Variants in ASPSCR1 observed in about 807,000 individuals in gnomAD.
ASPSCR1 encodes tether containing UBX domain for GLUT4.
A neutral mutation model predicts 68.9 loss-of-function variants in ASPSCR1; 55 were observed. The ratio of observed to expected loss-of-function variants is 0.80; its 90% CI spans 0.64 to 1.00. The LOEUF is 1.00. Ranked by LOEUF, ASPSCR1 falls within the 50% of genes least tolerant of loss-of-function variation. The pLI, the probability that ASPSCR1 is intolerant of heterozygous loss-of-function variation, is 0.00. For missense variants in ASPSCR1, 765 were observed against 762.2 expected (o/e 1.00, Z -0.04); for synonymous variants, 352 against 332.6 (o/e 1.06, Z -0.63).
At chr17:81,992,056 G>C (rs2042186797) in intron 4 of ASPSCR1, among the ~76,000 whole-genome samples, 1 of 152,254 alleles carries the variant, frequency 6.6e-6, no homozygotes, top group Non-Finnish European at 1.5e-5. Context: ...AGCTCTGCTG[G>C]CTGGAGAGTG....
At chr17:81,998,768 T>C (rs1246779880) in intron 7 of ASPSCR1, among the ~76,000 whole-genome samples, 1 of 152,248 alleles carries the variant, frequency 6.6e-6, no homozygotes, top group Non-Finnish European at 1.5e-5. Context: ...ACAAGGGAGC[T>C]GGGCAGTGGC....
intron 5 of ASPSCR1, chr17:81,995,536 C>T: frequency 3.5e-6 from 1 of 286,046 alleles, no homozygotes; most frequent in Non-Finnish European, 6.7e-6. Context: ...GCTTCTCCAC[C>T]CCTTCCTCAC....
Position 81,978,066 on chromosome 17 carries a change from G to A in ASPSCR1, c.102+318G>A, listed in dbSNP as rs533916768. 2.9e-3 allele frequency: 541 copies of A among 185,522 alleles called. 3 individuals carry two copies. Among genetic ancestry groups the A allele is most frequent in the African/African-American group, 0.012 (506 of 42,706 alleles). The allele number at this position is 185,522 out of a possible 1,614,324, so 11.5% of individuals were successfully genotyped here. The stretch of plus-strand genomic sequence containing the variant: ...TCGCGAGGGCGCCGGGAAGAGGGAG[G>A]AGTGGAGCCCTAGACCCGCGTTCCC... On this transcript the variant is annotated intron_variant, in intron 1 of 15. Coordinates refer to ENST00000306739, the MANE Select transcript of ASPSCR1 (RefSeq NM_024083.4).
chr17:81,998,655 A>G (rs867383279), intron 7 of ASPSCR1, among the ~76,000 whole-genome samples: 3 of 152,222 alleles, frequency 2.0e-5, no homozygotes, highest in Middle Eastern at 3.2e-3. Flanking sequence ...AGATGACCGT[A>G]TGCTTTATTT....
At chr17:81,996,345 T>G (rs1598407566) in intron 6 of ASPSCR1, 75 bp from the exon 7 acceptor site, 2 of 1,513,278 alleles carry the variant, frequency 1.3e-6, no homozygotes, top group Non-Finnish European at 1.8e-6. Flanking sequence ...CGGGAGAGGG[T>G]GAGCCTGGGC....
rs2043154690 is a variant in ASPSCR1, at chr17:82,016,983, C to T, written c.1518C>T (p.Ala506=). 6.2e-7 allele frequency: 1 copy of T among 1,612,556 alleles called. No homozygotes were observed. Among genetic ancestry groups the T allele is most frequent in the Non-Finnish European group, 8.5e-7 (1 of 1,179,844 alleles). Residue 506 remains alanine, a synonymous_variant, in exon 15 of 16, where the codon GCC becomes GCT. Transcript: ENST00000306739. ...CCGGGTCCCCTTCCCCATTGCCAGC[C>T]CCTGACCCTGCACCTAAGTCTGAGC... is the stretch of plus-strand genomic sequence containing the variant. ...RAAGSPSPLP[A]PDPAPKSEPA... is the part of the protein sequence containing the mutation.
chr17:81,977,643 G>T lies in ASPSCR1; in HGVS notation c.-4G>T. 7.2e-7 allele frequency: 1 copy of T among 1,394,588 alleles called. No homozygotes were observed. The highest frequency in any genetic ancestry group is 1.5e-5 in the African/African-American group (1 of 66,280). 86.4% of individuals were successfully genotyped at this position (1,394,588 alleles called of 1,614,324 possible). A position where few individuals can be genotyped will look rare whatever the true frequency, so the allele number is the denominator to read the frequency against. ...GGCCCGGCGGCGGGTCACGTGAGCG[G>T]AAAATGGCGGCCCCGGCAGGCGGCG... On this transcript the variant is annotated 5_prime_UTR_variant, in exon 1 of 16. Transcript: ENST00000306739. The surrounding 1 kb of genome is among the most constrained non-coding windows in gnomAD (Gnocchi z 5.0).
intron 4 of ASPSCR1, among the ~76,000 whole-genome samples, chr17:81,994,026 G>T (rs572347918): frequency 9.2e-5 from 14 of 152,400 alleles, no homozygotes; most frequent in African/African-American, 1.9e-4. Context: ...GGATTTCACG[G>T]TGGGGAGTTG....
At chr17:81,991,798 G>T (rs537429692) in intron 4 of ASPSCR1, among the ~76,000 whole-genome samples, 2 of 152,260 alleles carry the variant, frequency 1.3e-5, no homozygotes, top group Non-Finnish European at 2.9e-5. Flanking sequence ...CCGGCAGGGC[G>T]CATGCTGCTG....
At chr17:81,979,814 T>C (rs2041737682) in intron 2 of ASPSCR1, among the ~76,000 whole-genome samples, 1 of 152,192 alleles carries the variant, frequency 6.6e-6, no homozygotes, top group Non-Finnish European at 1.5e-5. Flanking sequence ...CCCCTGGAAT[T>C]ACACGTACGC....
At chr17:82,000,447 C>A (rs979108504) in intron 7 of ASPSCR1, among the ~76,000 whole-genome samples, 1 of 152,198 alleles carries the variant, frequency 6.6e-6, no homozygotes, top group Non-Finnish European at 1.5e-5. Context: ...CCCCGCGCCT[C>A]CCATCGCCGC....
chr17:82,006,892 C>G (rs1440341752), intron 7 of ASPSCR1: 1 of 152,338 alleles, frequency 6.6e-6, no homozygotes, highest in Non-Finnish European at 1.5e-5. Context: ...TGGGGCAGCC[C>G]TGAGACCCCA....
At position 81,985,374 on chromosome 17, in the gene ASPSCR1, C is replaced by G. The variant is rs539197568; in HGVS notation, c.274-133C>G. The G allele has an allele frequency of 9.3e-6, 8 of 863,886 alleles. 1 individual carries two copies. The highest frequency in any genetic ancestry group is 2.2e-4 in the Middle Eastern group (1 of 4,478). 53.5% of individuals were successfully genotyped at this position (863,886 alleles called of 1,614,324 possible). A position where few individuals can be genotyped will look rare whatever the true frequency, so the allele number is the denominator to read the frequency against. On this transcript the variant is annotated intron_variant, in intron 3 of 15. Coordinates refer to ENST00000306739, the MANE Select transcript of ASPSCR1 (RefSeq NM_024083.4). ...GAGTGAATAGGAGGGTAGCCTTCTC[C>G]GTGGGGGTCAGCCTCTCCCTGGAGG... is the stretch of plus-strand genomic sequence containing the variant.
chr17:81,987,281 G>T lies in ASPSCR1; in HGVS notation c.374+1674G>T, dbSNP rs1317483476. 1.3e-5 allele frequency among the ~76,000 whole-genome samples: 2 copies of T among 152,210 alleles called. No individual in the cohort carries two copies. The highest frequency in any genetic ancestry group is 2.9e-5 in the Non-Finnish European group (2 of 68,042). The stretch of plus-strand genomic sequence containing the variant: ...GTGGCGCCGGGCAGGGAGGCAGGCA[G>T]CCCCAGGCGCTGTGTGGGCACTGGG... On this transcript the variant is annotated intron_variant, in intron 4 of 15. Coordinates refer to ENST00000306739, the MANE Select transcript of ASPSCR1 (RefSeq NM_024083.4). This position sits in a 1 kb window ranked among gnomAD's most constrained non-coding sequence, Gnocchi z 5.6.
At chr17:82,008,810 A>G in intron 7 of ASPSCR1, 2 of 494,276 alleles carry the variant, frequency 4.0e-6, no homozygotes, top group Non-Finnish European at 6.9e-6. Flanking sequence ...TGACTGGGAG[A>G]GGGGGGTCTC....
intron 4 of ASPSCR1, among the ~76,000 whole-genome samples, chr17:81,994,568 G>T (rs1213354039): frequency 6.6e-6 from 1 of 152,228 alleles, no homozygotes; most frequent in Non-Finnish European, 1.5e-5. Context: ...AGGTCTCGGG[G>T]GGAGCCCCCA....
intron 4 of ASPSCR1, among the ~76,000 whole-genome samples, chr17:81,993,581 T>G (rs1360019807): frequency 6.6e-6 from 1 of 152,216 alleles, no homozygotes; most frequent in African/African-American, 2.4e-5. Flanking sequence ...AGTGGACCCC[T>G]GCGGCCCTGT....
At chr17:81,995,177 G>C (rs1055454574) in intron 5 of ASPSCR1, 2 of 487,060 alleles carry the variant, frequency 4.1e-6, no homozygotes, top group African/African-American at 2.0e-5. Context: ...TCAAAACCGA[G>C]TGTGGCGTGG....
chr17:82,009,440 C>G (rs758276491), intron 8 of ASPSCR1, 46 bp from the exon 9 acceptor site: 1 of 1,527,400 alleles, frequency 6.5e-7, no homozygotes, highest in Admixed American at 2.0e-5. Flanking sequence ...GTTGCCAGGG[C>G]CCCCATTCTG....
Sources: gnomAD v4.1 joint callset for allele counts (sites outside exome capture counted in the v4.1 genomes callset) on GRCh38, gnomAD v4.1.1 for gene constraint, Gnocchi (gnomAD v3.1) non-coding constraint, MANE v1.5 for transcripts, NCBI Gene and HGNC (gene_info 2026-07-23, HGNC 2026-07-21) for gene names.